The following KATNIP variants were observed in gnomAD, a reference collection of about 807,000 sequenced individuals.
KATNIP encodes the protein katanin-interacting protein.
Under a neutral mutation model 174.0 loss-of-function variants are expected in KATNIP, and 126 were observed. That is an observed-to-expected ratio of 0.72 (90% CI 0.63 to 0.84). KATNIP has a LOEUF of 0.84. Among genes scored for constraint, KATNIP ranks in the 40% least tolerant of loss-of-function variants. The probability of loss-of-function intolerance (pLI) is 0.00; values close to 1 mark genes in which losing one functional copy is unlikely to be tolerated. For synonymous variants in KATNIP, 810 were observed against 835.7 expected (o/e 0.97, Z 0.53); for missense variants, 1,958 against 2,109.7 (o/e 0.93, Z 1.41).
At chr16:27,764,529 C>T (rs977699495) in intron 19 of KATNIP, among the ~76,000 whole-genome samples, 1 of 152,198 alleles carries the variant, frequency 6.6e-6, no homozygotes, top group African/African-American at 2.4e-5. Flanking sequence ...CCAAGAAGCC[C>T]TGGTTCCTTT....
chr16:27,681,193 C>G (rs367695020), intron 7 of KATNIP: 1 of 603,698 alleles, frequency 1.7e-6, no homozygotes, highest in East Asian at 3.0e-5. Flanking sequence ...TATGTACTTA[C>G]CAAAATGTGG....
intron 14 of KATNIP, among the ~76,000 whole-genome samples, chr16:27,722,059 T>C (rs2080266864): frequency 6.6e-6 from 1 of 152,224 alleles, no homozygotes; most frequent in Non-Finnish European, 1.5e-5. Context: ...CTCCAGGCCC[T>C]TTCTCTTAGC....
Position 27,677,858 on chromosome 16 carries a change from G to A in KATNIP, c.670G>A (p.Gly224Ser), listed in dbSNP as rs774869000. The change falls in exon 7 of 28, where the codon GGC becomes AGC. Residue 224 changes from glycine to serine, a missense_variant. Physicochemically the swap from Gly to Ser is moderately conservative, Grantham distance 56. Transcript: ENST00000261588. ...TGAGCCAGAGGACCCGGCACTGGTG[G>A]GCCATCCCAGACATGACCGCCCTCC... ...EPEPEDPALV[G>S]HPRHDRPPSS... The A allele has an allele frequency of 9.3e-6, 15 of 1,614,198 alleles. No homozygotes were observed. Among genetic ancestry groups the A allele is most frequent in the Middle Eastern group, 1.6e-4 (1 of 6,062 alleles).
intron 1 of KATNIP, among the ~76,000 whole-genome samples, chr16:27,562,902 G>A (rs980514168): frequency 6.6e-6 from 1 of 152,210 alleles, no homozygotes; most frequent in Non-Finnish European, 1.5e-5. Context: ...AGAGCAGGGG[G>A]AAGGGATCAG....
chr16:27,729,540 G>C (rs1431022145), intron 14 of KATNIP, among the ~76,000 whole-genome samples: 1 of 152,090 alleles, frequency 6.6e-6, no homozygotes, highest in African/African-American at 2.4e-5. Flanking sequence ...TTTTCTCTTA[G>C]AACATAGGAG....
intron 2 of KATNIP, among the ~76,000 whole-genome samples, chr16:27,606,692 C>A (rs2075717811): frequency 6.6e-6 from 1 of 151,596 alleles, no homozygotes; most frequent in Non-Finnish European, 1.5e-5. Flanking sequence ...ATTCTGCTGT[C>A]TCTATGTTTG....
chr16:27,737,686 C>G (rs1252164376), intron 14 of KATNIP, among the ~76,000 whole-genome samples: 2 of 152,046 alleles, frequency 1.3e-5, no homozygotes, highest in Non-Finnish European at 2.9e-5. Flanking sequence ...GGGTGCAGAG[C>G]CACACAAGCC....
intron 15 of KATNIP, among the ~76,000 whole-genome samples, chr16:27,748,565 T>A (rs2081375143): frequency 6.6e-6 from 1 of 152,230 alleles, no homozygotes; most frequent in East Asian, 1.9e-4. Context: ...CACTCCAGCC[T>A]GGGTGACAGA....
rs115972268 is a variant in KATNIP at position 27,646,633 on chromosome 16, G to A, written c.409-1971G>A. On this transcript the variant is annotated intron_variant, in intron 5 of 27. Transcript: ENST00000261588. ...TTTGTTTGGCCTAATTATCAGGTGTGTGGTTGTCTGTGCAGCAATCAGGGC... is the reference window on the plus strand; with the variant it reads ...TTTGTTTGGCCTAATTATCAGGTGTATGGTTGTCTGTGCAGCAATCAGGGC... Among the ~76,000 whole-genome samples, 818 of 152,314 alleles carry A rather than the reference G, an allele frequency of 5.4e-3. 12 individuals are homozygous for A. Among genetic ancestry groups the A allele is most frequent in the African/African-American group, 0.019 (785 of 41,574 alleles).
Position 27,740,901 on chromosome 16 carries a change from C to A in KATNIP, c.2604C>A (p.Asp868Glu). ...RKDAGSSSHGDDQPASREDTW... is the reference protein window; with the variant it reads ...RKDAGSSSHGEDQPASREDTW... ...ATGCTGGCAGCAGTAGTCATGGGGACGACCAGCCAGCCAGCAGAGGTAAGC... is the reference window on the plus strand; with the variant it reads ...ATGCTGGCAGCAGTAGTCATGGGGAAGACCAGCCAGCCAGCAGAGGTAAGC... The change falls in exon 15 of 28, where the codon GAC (aspartate) becomes GAA (glutamate). Residue 868 changes from aspartate (D) to glutamate (E), a missense_variant. Around this residue, in one of 3 missense-constraint regions of KATNIP, gnomAD observed 1,557 missense variants for 1,617.8 expected, o/e 0.96. Transcript: ENST00000261588. The A allele has an allele frequency of 4.4e-6, 7 of 1,598,414 alleles. No homozygotes were observed. The highest frequency in any genetic ancestry group is 5.1e-6 in the Non-Finnish European group (6 of 1,173,128).
chr16:27,591,999 C>T (rs2075184842), intron 2 of KATNIP, among the ~76,000 whole-genome samples: 1 of 152,152 alleles, frequency 6.6e-6, no homozygotes, highest in Non-Finnish European at 1.5e-5. Flanking sequence ...CTGTGTGCCT[C>T]CCATCTGAAT....
At chr16:27,705,753 T>G (rs1004846617) in intron 12 of KATNIP, among the ~76,000 whole-genome samples, 1 of 152,152 alleles carries the variant, frequency 6.6e-6, no homozygotes, top group Admixed American at 6.5e-5. Flanking sequence ...CACAGCTCAC[T>G]GCAGCCTTGA....
intron 6 of KATNIP, among the ~76,000 whole-genome samples, chr16:27,656,592 T>C (rs1446976365): frequency 6.6e-6 from 1 of 151,056 alleles, no homozygotes; most frequent in East Asian, 1.9e-4. Context: ...ATATACACCA[T>C]GGAATACTAT....
intron 2 of KATNIP, among the ~76,000 whole-genome samples, chr16:27,595,085 C>T (rs1469137671): frequency 6.6e-6 from 1 of 152,092 alleles, no homozygotes; most frequent in Non-Finnish European, 1.5e-5. Context: ...TAAGGCCCAG[C>T]GGATAAGAAC....
chr16:27,626,273 G>T (rs1261670600), intron 3 of KATNIP, among the ~76,000 whole-genome samples: 1 of 148,444 alleles, frequency 6.7e-6, no homozygotes, highest in East Asian at 2.0e-4. Context: ...TGTAATAGCA[G>T]CTTCCACTTC....
chr16:27,602,120 G>T (rs2075547354), intron 2 of KATNIP, among the ~76,000 whole-genome samples: 1 of 152,142 alleles, frequency 6.6e-6, no homozygotes, highest in Admixed American at 6.5e-5. Flanking sequence ...ATTATTAGAG[G>T]CTGTTTATGC....
intron 15 of KATNIP, among the ~76,000 whole-genome samples, chr16:27,746,258 C>T (rs914396969): frequency 2.0e-5 from 3 of 152,188 alleles, no homozygotes; most frequent in African/African-American, 2.4e-5. Context: ...ACGTGACATT[C>T]GGTGCTGTCT....
chr16:27,663,152 CTTT>C (rs11440523), intron 6 of KATNIP, among the ~76,000 whole-genome samples: 1 of 80,046 alleles, frequency 1.2e-5, no homozygotes, highest in African/African-American at 4.9e-5. Flanking sequence ...TTTTCTTCTT[CTTT>C]TTTTTTTTTT....
rs117534505 is a variant in KATNIP, at chr16:27,726,315, G to A, written c.1743+4620G>A. Among the ~76,000 whole-genome samples, 759 of 152,256 alleles carry A rather than the reference G, an allele frequency of 5.0e-3. 6 individuals are homozygous for A. Among genetic ancestry groups the A allele is most frequent in the Non-Finnish European group, 9.4e-3 (640 of 68,016 alleles). On this transcript the variant is annotated intron_variant, in intron 14 of 27. Coordinates refer to ENST00000261588, the MANE Select transcript of KATNIP (RefSeq NM_015202.5). ...CCTGGTGCCCAAAAGGTTGGGGACC[G>A]CTGGTGTAGGCCACCGCTGCTTGCT...
Sources: allele counts gnomAD v4.1 joint callset (sites outside exome capture counted in the v4.1 genomes callset), GRCh38; gene constraint gnomAD v4.1.1; regional missense constraint gnomAD v4.1.1; transcripts MANE v1.5; gene names NCBI Gene and HGNC (gene_info 2026-07-23, HGNC 2026-07-21).